VPS8: variants seen among roughly 807,000 people sequenced by gnomAD.
VPS8 encodes vacuolar protein sorting-associated protein 8 homolog.
In VPS8, 129 loss-of-function variants were observed where a neutral mutation model predicts 216.4. That is an observed-to-expected ratio of 0.60 (90% confidence interval 0.52 to 0.69). VPS8 has a LOEUF of 0.69. VPS8 is among the 30% of genes least tolerant of loss of function. VPS8 has a pLI of 0.00. For missense variants in VPS8, 1,531 were observed against 1,683.5 expected (o/e 0.91, Z 1.59); for synonymous variants, 571 against 565.4 (o/e 1.01, Z -0.14).
At chr3:184,914,388 A>G (rs1290523938) in intron 26 of VPS8, among the ~76,000 whole-genome samples, 1 of 152,238 alleles carries the variant, frequency 6.6e-6, no homozygotes, top group Admixed American at 6.5e-5. Flanking sequence ...GAAAAAAGGT[A>G]GACATGTTCA....
At chr3:184,863,655 A>G (rs759150667) in intron 16 of VPS8, among the ~76,000 whole-genome samples, 1 of 152,218 alleles carries the variant, frequency 6.6e-6, no homozygotes, top group Non-Finnish European at 1.5e-5. Context: ...TCATTAAGCA[A>G]CTACAGTAAT....
intron 45 of VPS8, among the ~76,000 whole-genome samples, chr3:185,018,499 G>A (rs527842749): frequency 1.6e-4 from 25 of 152,276 alleles, no homozygotes; most frequent in African/African-American, 2.9e-4. Flanking sequence ...ATTAATTTGC[G>A]GTTGGGCCTG....
intron 3 of VPS8, among the ~76,000 whole-genome samples, chr3:184,831,702 A>T (rs1489746253): frequency 6.6e-6 from 1 of 151,956 alleles, no homozygotes; most frequent in Admixed American, 6.5e-5. Context: ...CCGTACTCCT[A>T]CTCAACCCCC....
At chr3:184,838,965 T>G (rs962604773) in intron 6 of VPS8, 3 of 458,440 alleles carry the variant, frequency 6.5e-6, no homozygotes, top group Admixed American at 4.3e-5. Flanking sequence ...AAGCAGATAA[T>G]GGAGTAATAT....
chr3:184,839,332 A>G (rs1721697312), intron 6 of VPS8: 1 of 221,330 alleles, frequency 4.5e-6, no homozygotes, highest in Admixed American at 5.6e-5. Flanking sequence ...GTGTGTTCTC[A>G]TCTCTTCCCC....
At chr3:184,998,127 C>T (rs954433965) in intron 44 of VPS8, among the ~76,000 whole-genome samples, 10 of 152,124 alleles carry the variant, frequency 6.6e-5, no homozygotes, top group Admixed American at 1.3e-4. Flanking sequence ...CATGTAGGAG[C>T]TGGCCCAAGT....
At chr3:184,982,107 T>G (rs540876548) in intron 40 of VPS8, among the ~76,000 whole-genome samples, 1 of 152,240 alleles carries the variant, frequency 6.6e-6, no homozygotes, top group African/African-American at 2.4e-5. Flanking sequence ...TTTTCTTGCT[T>G]GACATAGCTA....
intron 45 of VPS8, among the ~76,000 whole-genome samples, chr3:185,012,275 CA>C: frequency 6.8e-6 from 1 of 146,610 alleles, no homozygotes; most frequent in African/African-American, 2.5e-5. Flanking sequence ...ATATAATGTA[CA>C]TATATCTATA....
chr3:184,836,007 C>T (rs1721019175), intron 5 of VPS8, among the ~76,000 whole-genome samples: 1 of 152,074 alleles, frequency 6.6e-6, no homozygotes, highest in Non-Finnish European at 1.5e-5. Context: ...CCTCGTCCAG[C>T]CAAGTTTGGA....
intron 37 of VPS8, among the ~76,000 whole-genome samples, chr3:184,959,861 T>G (rs558769179): frequency 6.6e-6 from 1 of 152,254 alleles, no homozygotes; most frequent in Non-Finnish European, 1.5e-5. Flanking sequence ...TATTATACTT[T>G]AAGTTCTAGT....
chr3:184,877,551 A>G (rs1729492346), intron 21 of VPS8, among the ~76,000 whole-genome samples: 1 of 152,148 alleles, frequency 6.6e-6, no homozygotes, highest in African/African-American at 2.4e-5. Context: ...TATCTTATTT[A>G]GTCCTTATAA....
At chr3:184,927,339 G>A (rs1397276415) in intron 31 of VPS8, among the ~76,000 whole-genome samples, 1 of 152,146 alleles carries the variant, frequency 6.6e-6, no homozygotes, top group Non-Finnish European at 1.5e-5. Context: ...TGGCACTGTG[G>A]TAATCATACG....
chr3:184,926,968 G>A lies in VPS8; in HGVS notation c.2631+318G>A, dbSNP rs553226506. On this transcript the variant is annotated intron_variant, in intron 31 of 47. Coordinates refer to ENST00000625842, the MANE Select transcript of VPS8 (RefSeq NM_001009921.3). ...GCATTCCATTGGCATCATTAATCTG[G>A]TAACTACTGCTAGCTGCTGTGGTCC... is the stretch of plus-strand genomic sequence containing the variant. Among the ~76,000 whole-genome samples the A allele has an allele frequency of 1.3e-4, 20 of 152,232 alleles. No individual in the cohort carries two copies. The South Asian group carries it at 1.5e-3, about 11-fold the overall frequency.
rs1449417427 is a variant in VPS8, at chr3:184,882,368, G to A, written c.1735-3742G>A. On this transcript the variant is annotated intron_variant, in intron 21 of 47. Transcript: ENST00000625842. The stretch of plus-strand genomic sequence containing the variant: ...CTTTAGGCTATTGGCATGGCATATC[G>A]TAATGATTGGTTTTTGAATATTGAA... 1.8e-5 allele frequency: 8 copies of A among 455,010 alleles called. No homozygotes were observed. The East Asian group carries it at 2.1e-4, about 12-fold the overall frequency. The allele number at this position is 455,010 out of a possible 1,614,324, so 28.2% of individuals were successfully genotyped here. A position where few individuals can be genotyped will look rare whatever the true frequency, so the allele number is the denominator to read the frequency against.
chr3:184,815,433 A>G (rs535035389), intron 1 of VPS8, among the ~76,000 whole-genome samples: 58 of 152,244 alleles, frequency 3.8e-4, no homozygotes, highest in African/African-American at 1.3e-3. Flanking sequence ...ATTATGTGTA[A>G]TGTTAGGGGA....
At chr3:184,919,463 T>C (rs1738218850) in intron 28 of VPS8, among the ~76,000 whole-genome samples, 1 of 152,190 alleles carries the variant, frequency 6.6e-6, no homozygotes, top group Non-Finnish European at 1.5e-5. Flanking sequence ...ACTAGGTTTT[T>C]TGTGACACGC....
chr3:185,014,067 A>G (rs940133562), intron 45 of VPS8, among the ~76,000 whole-genome samples: 65 of 152,358 alleles, frequency 4.3e-4, no homozygotes, highest in African/African-American at 1.5e-3. Context: ...TAACTGTGTC[A>G]TAGAGTGATT....
At chr3:184,960,597 A>G (rs1746348717) in intron 37 of VPS8, among the ~76,000 whole-genome samples, 1 of 152,194 alleles carries the variant, frequency 6.6e-6, no homozygotes, top group African/African-American at 2.4e-5. Flanking sequence ...CTTATGTCAC[A>G]GTGTTTCCCA....
chr3:184,825,169 A>G (rs998396469), intron 2 of VPS8: 2 of 215,302 alleles, frequency 9.3e-6, no homozygotes, highest in Non-Finnish European at 1.9e-5. Flanking sequence ...CCCCACGTGT[A>G]TAGTTTTATG....
Sources: gnomAD v4.1 joint callset for allele counts (sites outside exome capture counted in the v4.1 genomes callset) on GRCh38, gnomAD v4.1.1 for gene constraint, MANE v1.5 for transcripts, NCBI Gene and HGNC (gene_info 2026-07-23, HGNC 2026-07-21) for gene names.